CACHD1: variants seen among roughly 807,000 people sequenced by gnomAD.
CACHD1 encodes VWFA and cache domain-containing protein 1.
CACHD1 carries 71 observed loss-of-function variants against 138.7 expected under a neutral mutation model. The ratio of observed to expected loss-of-function variants is 0.51; its 90% CI spans 0.42 to 0.62. CACHD1 has a LOEUF of 0.62. Among genes scored for constraint, CACHD1 ranks in the 20% least tolerant of loss-of-function variants. The pLI, the probability that CACHD1 is intolerant of heterozygous loss-of-function variation, is 0.00. For synonymous variants in CACHD1, 578 were observed against 591.5 expected (o/e 0.98, Z 0.33); for missense variants, 1,389 against 1,625.3 (o/e 0.85, Z 2.50).
intron 17 of CACHD1, among the ~76,000 whole-genome samples, chr1:64,672,934 G>A (rs1026415552): frequency 1.3e-5 from 2 of 152,192 alleles, no homozygotes; most frequent in Middle Eastern, 3.4e-3. Flanking sequence ...AGAGTCAGGT[G>A]TAACTCTTAC....
chr1:64,616,832 G>C (rs1370562186), intron 4 of CACHD1, among the ~76,000 whole-genome samples: 1 of 152,140 alleles, frequency 6.6e-6, no homozygotes. Flanking sequence ...CAGTGGAAAG[G>C]GGCCATGGCA....
At chr1:64,536,256 A>G (rs1474070965) in intron 1 of CACHD1, among the ~76,000 whole-genome samples, 1 of 152,202 alleles carries the variant, frequency 6.6e-6, no homozygotes, top group African/African-American at 2.4e-5. Context: ...GTCTCCAGGC[A>G]TTTAAACAAT....
chr1:64,643,929 C>T (rs1570446226), intron 8 of CACHD1, among the ~76,000 whole-genome samples: 2 of 152,236 alleles, frequency 1.3e-5, no homozygotes, highest in Admixed American at 6.5e-5. Flanking sequence ...CTCTGCCATC[C>T]AGGGCCAGAT....
intron 12 of CACHD1, among the ~76,000 whole-genome samples, chr1:64,655,539 G>T (rs1649234347): frequency 6.6e-6 from 1 of 152,150 alleles, no homozygotes; most frequent in Admixed American, 6.5e-5. Flanking sequence ...CTAAGGAAAA[G>T]AAAATTTTAG....
chr1:64,673,327 T>C (rs377308185), intron 18 of CACHD1, 21 bp from the exon 19 acceptor site: 83 of 1,613,306 alleles, frequency 5.1e-5, no homozygotes, highest in Non-Finnish European at 6.7e-5. Context: ...ATATGTCTTC[T>C]GTTCTCTTTG....
At chr1:64,651,730 A>C (rs759937627) in intron 9 of CACHD1, among the ~76,000 whole-genome samples, 7 of 152,240 alleles carry the variant, frequency 4.6e-5, no homozygotes, top group Admixed American at 2.0e-4. Context: ...TCACCTGTAC[A>C]ATACAAAAGG....
intron 2 of CACHD1, among the ~76,000 whole-genome samples, chr1:64,569,140 C>G (rs1012602109): frequency 2.6e-5 from 4 of 152,002 alleles, no homozygotes; most frequent in Admixed American, 2.0e-4. Context: ...ATGCTGGTCT[C>G]GAACTCCCGA....
chr1:64,500,735 AGAG>A lies in CACHD1; in HGVS notation c.198+29794_198+29796del, dbSNP rs748837525. On this transcript the variant is annotated intron_variant, in intron 1 of 26. Transcript: ENST00000651257. ...TGTCTCTTAAAAAAAAAAAAAAAAAAGAGAGAGAGAGAGAGAGAGAGAGAGAGA... is the reference window on the plus strand; with the variant it reads ...TGTCTCTTAAAAAAAAAAAAAAAAAAAGAGAGAGAGAGAGAGAGAGAGAGA... Among the ~76,000 whole-genome samples the A allele has an allele frequency of 2.9e-3, 19 of 6,534 alleles. No homozygotes were observed. In the Admixed American group the frequency reaches 0.039, roughly 13 times the overall value. 4.3% of individuals were successfully genotyped at this position (6,534 alleles called of 152,430 possible).
intron 1 of CACHD1, among the ~76,000 whole-genome samples, chr1:64,528,880 C>T (rs1330074565): frequency 6.6e-6 from 1 of 151,818 alleles, no homozygotes; most frequent in African/African-American, 2.4e-5. Flanking sequence ...ATGGTAGTCC[C>T]CCAATTTAAT....
At chr1:64,657,201 T>C (rs548659270) in intron 12 of CACHD1, among the ~76,000 whole-genome samples, 1 of 152,244 alleles carries the variant, frequency 6.6e-6, no homozygotes, top group Admixed American at 6.5e-5. Flanking sequence ...ATGGATCCCA[T>C]GTTATAATCA....
intron 1 of CACHD1, among the ~76,000 whole-genome samples, chr1:64,495,720 T>C (rs1319108811): frequency 6.6e-6 from 1 of 151,874 alleles, no homozygotes; most frequent in African/African-American, 2.4e-5. Flanking sequence ...TTTTTGAACC[T>C]GAGTTGCTGT....
chr1:64,612,669 C>A (rs1406356653), intron 4 of CACHD1, among the ~76,000 whole-genome samples: 1 of 152,070 alleles, frequency 6.6e-6, no homozygotes, highest in African/African-American at 2.4e-5. Context: ...ATATTTTAAG[C>A]CCACTCTGGA....
chr1:64,607,884 T>C (rs539669142), intron 4 of CACHD1, among the ~76,000 whole-genome samples: 1 of 152,286 alleles, frequency 6.6e-6, no homozygotes, highest in Non-Finnish European at 1.5e-5. Context: ...CTGTTAGTGG[T>C]ACTAAGATTA....
At chr1:64,593,846 A>G (rs1306897869) in intron 3 of CACHD1, among the ~76,000 whole-genome samples, 1 of 152,204 alleles carries the variant, frequency 6.6e-6, no homozygotes, top group Non-Finnish European at 1.5e-5. Flanking sequence ...ATACTTTTTT[A>G]GGCCTGTTCC....
chr1:64,636,001 C>G (rs1648512916), intron 7 of CACHD1, among the ~76,000 whole-genome samples: 1 of 151,682 alleles, frequency 6.6e-6, no homozygotes, highest in Admixed American at 6.6e-5. Context: ...ATCCCAGCTA[C>G]TCAGGAGGCT....
chr1:64,547,141 T>A (rs1436406615), intron 1 of CACHD1, among the ~76,000 whole-genome samples: 3 of 152,194 alleles, frequency 2.0e-5, no homozygotes, highest in Non-Finnish European at 4.4e-5. Flanking sequence ...AAAATGTGGT[T>A]TCAGACCCCT....
At chr1:64,670,478 G>C (rs1649776602) in intron 16 of CACHD1, among the ~76,000 whole-genome samples, 2 of 152,194 alleles carry the variant, frequency 1.3e-5, no homozygotes, top group Admixed American at 1.3e-4. Flanking sequence ...CCTATGTTGG[G>C]TAAACTGCAA....
intron 11 of CACHD1, 38 bp from the exon 12 acceptor site, chr1:64,654,648 C>A (rs781768294): frequency 1.3e-6 from 2 of 1,488,008 alleles, no homozygotes; most frequent in Non-Finnish European, 1.9e-6. Flanking sequence ...TTAATTTTAT[C>A]TTTTGCCTGA....
intron 7 of CACHD1, among the ~76,000 whole-genome samples, chr1:64,634,610 CTT>C (rs1648443570): frequency 6.6e-6 from 1 of 152,086 alleles, no homozygotes; most frequent in Non-Finnish European, 1.5e-5. Context: ...ATCTCAAACT[CTT>C]GAACTCAAGC....
Sources: allele counts gnomAD v4.1 joint callset (sites outside exome capture counted in the v4.1 genomes callset), GRCh38; gene constraint gnomAD v4.1.1; transcripts MANE v1.5; gene names NCBI Gene and HGNC (gene_info 2026-07-23, HGNC 2026-07-21).